Variants in HERC3 observed in about 807,000 individuals in gnomAD.
HERC3 encodes the protein probable E3 ubiquitin-protein ligase HERC3.
HERC3 carries 58 observed loss-of-function variants against 129.9 expected under a neutral mutation model. The observed-to-expected ratio is 0.45, with a 90% confidence interval of 0.36 to 0.56. HERC3 has a LOEUF of 0.56. Among genes scored for constraint, HERC3 ranks in the 20% least tolerant of loss-of-function variants. The pLI, the probability that HERC3 is intolerant of heterozygous loss-of-function variation, is 0.00. For synonymous variants in HERC3, 430 were observed against 451.0 expected (o/e 0.95, Z 0.59); for missense variants, 835 against 1,244.2 (o/e 0.67, Z 4.95).
chr4:88,687,006 T>A (rs1290564483), intron 22 of HERC3, among the ~76,000 whole-genome samples: 1 of 152,250 alleles, frequency 6.6e-6, no homozygotes, highest in Non-Finnish European at 1.5e-5. Context: ...CTGTTATTTA[T>A]TGCATTTATT....
intron 21 of HERC3, among the ~76,000 whole-genome samples, chr4:88,686,476 T>C (rs764403541): frequency 6.6e-6 from 1 of 152,190 alleles, no homozygotes; most frequent in Non-Finnish European, 1.5e-5. Context: ...AGATTAAAAA[T>C]CCATCTGATT....
chr4:88,604,082 G>A (rs547470885), intron 2 of HERC3, among the ~76,000 whole-genome samples: 25 of 151,546 alleles, frequency 1.6e-4, no homozygotes, highest in African/African-American at 5.1e-4. Context: ...GTGCAATGGC[G>A]TGACCTCAGC....
intron 15 of HERC3, 36 bp downstream of exon 15, chr4:88,670,059 T>C (rs944312523): frequency 2.5e-5 from 40 of 1,607,346 alleles, no homozygotes; most frequent in Non-Finnish European, 3.3e-5. Flanking sequence ...AGGGGGTGAT[T>C]AGATGGTAGG....
the HERC3 span, among the ~76,000 whole-genome samples, chr4:88,526,995 T>C: frequency 6.6e-6 from 1 of 152,196 alleles, no homozygotes; most frequent in South Asian, 2.1e-4. Context: ...TAAAAAATTA[T>C]CCTCAATAGT....
chr4:88,535,726 G>A, the HERC3 span, among the ~76,000 whole-genome samples: 2 of 152,184 alleles, frequency 1.3e-5, no homozygotes, highest in South Asian at 4.2e-4. Flanking sequence ...CCATCATGGG[G>A]GTCCCACACG....
chr4:88,536,218 G>T, the HERC3 span, among the ~76,000 whole-genome samples: 189 of 152,212 alleles, frequency 1.2e-3, no homozygotes, highest in African/African-American at 3.8e-3. Context: ...CAGCCATTCT[G>T]AACTATTTGT....
chr4:88,704,635 G>T (rs1379828437), intron 25 of HERC3, 25 bp downstream of exon 25: 1 of 1,384,010 alleles, frequency 7.2e-7, no homozygotes, highest in Non-Finnish European at 1.0e-6. Context: ...TCTCAATATG[G>T]TATTTGTCTA....
Position 88,655,980 on chromosome 4 carries a change from A to G in HERC3, c.1014A>G (p.Pro338=), listed in dbSNP as rs73841608. ...GTGHTCNVKC[P]SPVKGYWAAH... is the part of the protein sequence containing the mutation. ...GGCACACTTGTAATGTTAAGTGCCC[A>G]TCTCCTGTCAAGGGTTACTGGGCTG... is the stretch of plus-strand genomic sequence containing the variant. The change falls in exon 9 of 26, where the codon CCA becomes CCG. Residue 338 remains proline (P), a synonymous_variant. Transcript: ENST00000402738. 6.2e-7 allele frequency: 1 copy of G among 1,614,156 alleles called. No homozygotes were observed. Among genetic ancestry groups the G allele is most frequent in the Non-Finnish European group, 8.5e-7 (1 of 1,179,996 alleles).
At chr4:88,621,478 T>A (rs1725516891) in intron 3 of HERC3, among the ~76,000 whole-genome samples, 7 of 152,232 alleles carry the variant, frequency 4.6e-5, no homozygotes, top group Admixed American at 4.6e-4. Context: ...GAGTATAGAA[T>A]CTTTTTTGTT....
At chr4:88,648,345 T>C (rs1328614260) in intron 3 of HERC3, among the ~76,000 whole-genome samples, 1 of 152,212 alleles carries the variant, frequency 6.6e-6, no homozygotes, top group Non-Finnish European at 1.5e-5. Context: ...TTTGGAGGCA[T>C]ATCTTCCAGT....
chr4:88,704,553 A>G lies in HERC3; in HGVS notation c.2887A>G (p.Lys963Glu), dbSNP rs373154749. Reference protein sequence around the residue: ...GDYSATHPTVKLFWETFHEFP... With the variant: ...GDYSATHPTVELFWETFHEFP... ...TTACTCGGCCACACATCCCACTGTA[A>G]AACTATTTTGGGAAACATTTCATGA... Residue 963 changes from lysine to glutamate, a missense_variant, in exon 25 of 26, where the codon AAA (lysine) becomes GAA (glutamate). By Grantham distance (56) the Lys-to-Glu change is moderately conservative (BLOSUM62 1). Transcript: ENST00000402738. 22 of 1,612,792 alleles carry G rather than the reference A, an allele frequency of 1.4e-5. No homozygotes were observed. The African/African-American group carries it at 2.8e-4, about 21-fold the overall frequency.
the HERC3 span, among the ~76,000 whole-genome samples, chr4:88,558,916 C>T: frequency 6.7e-6 from 1 of 148,940 alleles, no homozygotes; most frequent in East Asian, 2.0e-4. Flanking sequence ...TGCAGTGAGC[C>T]GAGATCATGC....
intron 3 of HERC3, among the ~76,000 whole-genome samples, chr4:88,636,748 C>T (rs1328497041): frequency 6.6e-6 from 1 of 152,220 alleles, no homozygotes; most frequent in Non-Finnish European, 1.5e-5. Context: ...GGAAGTAAAA[C>T]ACACCTCAGC....
At chr4:88,650,125 A>T in intron 4 of HERC3, 126 bp downstream of exon 4, 1 of 918,862 alleles carries the variant, frequency 1.1e-6, no homozygotes, top group South Asian at 1.8e-5. Context: ...CCTGTGCCTT[A>T]TACTATTAAA....
At chr4:88,537,098 TACATCACC>T in the HERC3 span, among the ~76,000 whole-genome samples, 1 of 152,202 alleles carries the variant, frequency 6.6e-6, no homozygotes, top group Non-Finnish European at 1.5e-5. Flanking sequence ...TATATTCTCT[TACATCACC>T]ACAGGACAAT....
At chr4:88,564,205 G>A in the HERC3 span, among the ~76,000 whole-genome samples, 3 of 152,220 alleles carry the variant, frequency 2.0e-5, no homozygotes, top group South Asian at 2.1e-4. Flanking sequence ...ATTTTGTTGA[G>A]TATTTTTACA....
At chr4:88,699,846 T>C (rs747691714) in intron 23 of HERC3, among the ~76,000 whole-genome samples, 6 of 152,242 alleles carry the variant, frequency 3.9e-5, no homozygotes, top group Non-Finnish European at 7.3e-5. Context: ...GTCTGGCTTA[T>C]TGAGGTATCA....
At chr4:88,601,812 T>C (rs1384257107) in intron 2 of HERC3, among the ~76,000 whole-genome samples, 1 of 130,704 alleles carries the variant, frequency 7.7e-6, no homozygotes, top group Admixed American at 6.8e-5. Context: ...ATCCCAGCAC[T>C]TTGGGAGGCC....
chr4:88,525,702 G>A, the HERC3 span, among the ~76,000 whole-genome samples: 1 of 152,112 alleles, frequency 6.6e-6, no homozygotes, highest in Non-Finnish European at 1.5e-5. Flanking sequence ...AATATTTAAG[G>A]AACATATGAA....
Sources: allele counts gnomAD v4.1 joint callset (sites outside exome capture counted in the v4.1 genomes callset), GRCh38; gene constraint gnomAD v4.1.1; transcripts MANE v1.5; gene names NCBI Gene and HGNC (gene_info 2026-07-23, HGNC 2026-07-21).